HHAT: variants seen among roughly 807,000 people sequenced by gnomAD.
HHAT encodes the protein protein-cysteine N-palmitoyltransferase HHAT.
In HHAT, 47 loss-of-function variants were observed where a neutral mutation model predicts 70.8. The ratio of observed to expected loss-of-function variants is 0.66; its 90% confidence interval spans 0.53 to 0.85. HHAT has a LOEUF of 0.85. HHAT is among the 40% of genes least tolerant of loss of function. The pLI, the probability that HHAT is intolerant of heterozygous loss-of-function variation, is 0.00. For missense variants in HHAT, 609 were observed against 604.8 expected (o/e 1.01, Z -0.07); for synonymous variants, 228 against 247.6 (o/e 0.92, Z 0.74).
At chr1:210,596,491 C>T (rs1203916760) in intron 10 of HHAT, among the ~76,000 whole-genome samples, 1 of 151,954 alleles carries the variant, frequency 6.6e-6, no homozygotes. Flanking sequence ...TTTTCTAGAT[C>T]TTATAGGCAT....
chr1:210,443,042 C>T (rs1193767103), intron 7 of HHAT, among the ~76,000 whole-genome samples: 1 of 152,174 alleles, frequency 6.6e-6, no homozygotes, highest in Admixed American at 6.5e-5. Flanking sequence ...GGAAGGGATC[C>T]AGTTTCAGCT....
intron 7 of HHAT, among the ~76,000 whole-genome samples, chr1:210,454,885 T>C (rs1270652349): frequency 6.6e-6 from 1 of 152,230 alleles, no homozygotes; most frequent in Non-Finnish European, 1.5e-5. Context: ...CAACTCTCTC[T>C]TGGGTTTCCA....
chr1:210,500,422 CATTTA>C (rs1351658841), intron 8 of HHAT, among the ~76,000 whole-genome samples: 1 of 152,166 alleles, frequency 6.6e-6, no homozygotes, highest in Non-Finnish European at 1.5e-5. Context: ...AGTATTGACT[CATTTA>C]ATTACCCAGC....
intron 7 of HHAT, among the ~76,000 whole-genome samples, chr1:210,434,570 G>A (rs1023659814): frequency 4.0e-5 from 6 of 151,718 alleles, no homozygotes; most frequent in African/African-American, 1.5e-4. Flanking sequence ...TTATACAGCT[G>A]AAAATACACA....
chr1:210,530,420 G>C (rs946763694), intron 9 of HHAT, among the ~76,000 whole-genome samples: 2 of 152,026 alleles, frequency 1.3e-5, no homozygotes, highest in African/African-American at 4.8e-5. Flanking sequence ...TAATACCAAT[G>C]TTTGCAATAA....
chr1:210,555,285 C>T (rs996116152), intron 9 of HHAT, among the ~76,000 whole-genome samples: 2 of 152,212 alleles, frequency 1.3e-5, no homozygotes, highest in Non-Finnish European at 2.9e-5. Context: ...CCTGACCCCT[C>T]GCTGTGACAC....
At chr1:210,647,851 G>A (rs1427117724) in intron 11 of HHAT, among the ~76,000 whole-genome samples, 1 of 152,158 alleles carries the variant, frequency 6.6e-6, no homozygotes, top group Non-Finnish European at 1.5e-5. Context: ...AACTTTTATT[G>A]CTGAGGAGAC....
chr1:210,519,911 C>T (rs571622723), intron 9 of HHAT, among the ~76,000 whole-genome samples: 2 of 150,936 alleles, frequency 1.3e-5, no homozygotes, highest in East Asian at 3.9e-4. Context: ...TTTGCATTTC[C>T]ATGATGATGG....
intron 8 of HHAT, among the ~76,000 whole-genome samples, chr1:210,466,945 G>T (rs751650731): frequency 1.3e-5 from 2 of 152,172 alleles, no homozygotes; most frequent in Non-Finnish European, 2.9e-5. Flanking sequence ...GGACAAAAGA[G>T]TAGTAATGAA....
At chr1:210,365,687 C>G (rs1265207025) in intron 3 of HHAT, among the ~76,000 whole-genome samples, 1 of 150,076 alleles carries the variant, frequency 6.7e-6, no homozygotes, top group Non-Finnish European at 1.5e-5. Flanking sequence ...ACAATCTTGG[C>G]TCACTGCAAC....
chr1:210,627,216 GAT>G (rs1486754303), intron 11 of HHAT, among the ~76,000 whole-genome samples: 1 of 152,148 alleles, frequency 6.6e-6, no homozygotes, highest in Non-Finnish European at 1.5e-5. Context: ...GTATCTAGGA[GAT>G]AGGGATTATT....
intron 6 of HHAT, among the ~76,000 whole-genome samples, chr1:210,405,593 C>T (rs2092298126): frequency 6.6e-6 from 1 of 152,142 alleles, no homozygotes; most frequent in Non-Finnish European, 1.5e-5. Context: ...TTGCACATTT[C>T]TGGGCAGCAA....
In HHAT at chr1:210,363,307, A is replaced by C. The variant is rs554221978; in HGVS notation, c.159+388A>C. ...GGCCTCTGAGTGTCCCTGGCTGTCC[A>C]TGCTGCTGCAGAGCATGCTGGGAAT... On this transcript the variant is annotated intron_variant, in intron 3 of 11. Coordinates refer to ENST00000261458, the MANE Select transcript of HHAT (RefSeq NM_018194.6). Among the ~76,000 whole-genome samples, 35 of 152,264 alleles carry C rather than the reference A, an allele frequency of 2.3e-4. 1 individual carries two copies. The South Asian group carries it at 4.8e-3, about 21-fold the overall frequency.
intron 10 of HHAT, among the ~76,000 whole-genome samples, chr1:210,591,219 G>A (rs1661620473): frequency 6.6e-6 from 1 of 151,918 alleles, no homozygotes; most frequent in Non-Finnish European, 1.5e-5. Flanking sequence ...ACCCTTCCAA[G>A]CCTCTGGTCA....
intron 9 of HHAT, among the ~76,000 whole-genome samples, chr1:210,581,201 A>G (rs1659196714): frequency 2.6e-5 from 4 of 152,176 alleles, no homozygotes; most frequent in Admixed American, 2.6e-4. Flanking sequence ...AATACATTTA[A>G]GTTCCTTGTA....
At position 210,431,323 on chromosome 1, in the gene HHAT, T is replaced by A. The variant is rs183279873; in HGVS notation, c.856+12998T>A. On this transcript the variant is annotated intron_variant, in intron 7 of 11. Transcript: ENST00000261458. Reference sequence around the variant, plus strand: ...GCCACCTGTCCCCACATGTGGCTTGTGAAAAGCAAAGCCTAGGTCTTTGCA... The same window carrying A: ...GCCACCTGTCCCCACATGTGGCTTGAGAAAAGCAAAGCCTAGGTCTTTGCA... Among the ~76,000 whole-genome samples the A allele has an allele frequency of 8.8e-4, 133 of 151,834 alleles. 2 individuals carry two copies. The highest frequency in any genetic ancestry group is 7.1e-4 in the Non-Finnish European group (48 of 68,004).
intron 1 of HHAT, among the ~76,000 whole-genome samples, chr1:210,336,573 C>T (rs763129582): frequency 1.3e-5 from 2 of 151,896 alleles, no homozygotes; most frequent in Non-Finnish European, 2.9e-5. Flanking sequence ...CACTTGAGGC[C>T]AGGAGTTTGA....
At chr1:210,663,795 G>A (rs1390049003) in intron 11 of HHAT, among the ~76,000 whole-genome samples, 3 of 152,222 alleles carry the variant, frequency 2.0e-5, no homozygotes, top group Non-Finnish European at 4.4e-5. Flanking sequence ...AAACTGTGGG[G>A]TGGGGCCCTG....
At chr1:210,361,407 G>A (rs1270025293) in intron 2 of HHAT, among the ~76,000 whole-genome samples, 2 of 152,170 alleles carry the variant, frequency 1.3e-5, no homozygotes, top group East Asian at 3.9e-4. Context: ...ACACCTCCAT[G>A]GCACACCCAG....
Sources: allele counts gnomAD v4.1 joint callset (sites outside exome capture counted in the v4.1 genomes callset), GRCh38; gene constraint gnomAD v4.1.1; transcripts MANE v1.5; gene names NCBI Gene and HGNC (gene_info 2026-07-23, HGNC 2026-07-21).